The following CDIN1 variants were observed in gnomAD, a reference collection of about 807,000 sequenced individuals.
The protein encoded by CDIN1 is CDAN1 interacting nuclease 1.
In CDIN1, 33 loss-of-function variants were observed where a neutral mutation model predicts 45.3. The observed-to-expected ratio is 0.73, with a 90% CI of 0.55 to 0.97. The LOEUF (loss-of-function observed/expected upper bound fraction) is 0.97, where lower values mean the gene tolerates loss of function less well. Ranked by LOEUF, CDIN1 falls within the 50% of genes least tolerant of loss-of-function variation. The probability of loss-of-function intolerance (pLI) is 0.00; values close to 1 mark genes in which losing one functional copy is unlikely to be tolerated. For missense variants in CDIN1, 303 were observed against 339.4 expected (o/e 0.89, Z 0.84); for synonymous variants, 118 against 124.4 (o/e 0.95, Z 0.34).
intron 1 of CDIN1, among the ~76,000 whole-genome samples, chr15:36,620,356 A>G (rs1336671199): frequency 1.3e-5 from 2 of 152,172 alleles, no homozygotes; most frequent in Non-Finnish European, 2.9e-5. Flanking sequence ...GTCTCAAAAA[A>G]AATAAAAATA....
chr15:36,691,911 AG>A (rs1324794562), intron 6 of CDIN1, 147 bp downstream of exon 6: 10 of 784,500 alleles, frequency 1.3e-5, no homozygotes, highest in Non-Finnish European at 1.8e-5. Context: ...ATTTGCGAGA[AG>A]AGCATTTCAC....
At chr15:36,629,820 C>T (rs2039607630) in intron 1 of CDIN1, among the ~76,000 whole-genome samples, 1 of 151,984 alleles carries the variant, frequency 6.6e-6, no homozygotes, top group Admixed American at 6.6e-5. Context: ...TGTCTATTTT[C>T]TTGTGATAAC....
intron 3 of CDIN1, among the ~76,000 whole-genome samples, chr15:36,649,834 A>G (rs1239717026): frequency 1.3e-5 from 2 of 152,212 alleles, no homozygotes; most frequent in African/African-American, 4.8e-5. Context: ...TGCATTTTAC[A>G]TACTTACATA....
chr15:36,617,560 G>C (rs1415403229), intron 1 of CDIN1: 2 of 795,806 alleles, frequency 2.5e-6, no homozygotes, highest in East Asian at 2.4e-5. Flanking sequence ...TTGGACAGTT[G>C]TTAACATGGA....
At chr15:36,584,137 T>C (rs1264367268) in intron 1 of CDIN1, among the ~76,000 whole-genome samples, 1 of 152,240 alleles carries the variant, frequency 6.6e-6, no homozygotes, top group Non-Finnish European at 1.5e-5. Flanking sequence ...CAGTGAGTGA[T>C]GGTGGTCATA....
chr15:36,733,149 A>G (rs954940266), intron 10 of CDIN1, among the ~76,000 whole-genome samples: 2 of 152,096 alleles, frequency 1.3e-5, no homozygotes, highest in Non-Finnish European at 2.9e-5. Flanking sequence ...TATAAATCTT[A>G]TATTTTAAGC....
chr15:36,682,606 A>T (rs1034338290), intron 5 of CDIN1, among the ~76,000 whole-genome samples: 22 of 150,960 alleles, frequency 1.5e-4, no homozygotes, highest in African/African-American at 4.9e-4. Context: ...CTACAAAAAA[A>T]AAAAAACAAA....
At chr15:36,782,186 C>A (rs975291900) in intron 10 of CDIN1, among the ~76,000 whole-genome samples, 4 of 152,108 alleles carry the variant, frequency 2.6e-5, no homozygotes, top group African/African-American at 9.7e-5. Context: ...AAAAGTAATT[C>A]TCATTTCTCA....
chr15:36,779,563 G>A (rs1288838455), intron 10 of CDIN1, among the ~76,000 whole-genome samples: 1 of 152,166 alleles, frequency 6.6e-6, no homozygotes, highest in Non-Finnish European at 1.5e-5. Context: ...TCTAAATCTA[G>A]GAATATGTGT....
intron 10 of CDIN1, among the ~76,000 whole-genome samples, chr15:36,743,451 C>T (rs2044308584): frequency 6.6e-6 from 1 of 152,134 alleles, no homozygotes; most frequent in African/African-American, 2.4e-5. Flanking sequence ...GTGCAGTGCC[C>T]TCTTTTAATC....
At chr15:36,654,388 A>G (rs1375755629) in intron 4 of CDIN1, among the ~76,000 whole-genome samples, 1 of 152,162 alleles carries the variant, frequency 6.6e-6, no homozygotes, top group African/African-American at 2.4e-5. Context: ...GCAAATGTAT[A>G]AACAGCCTCT....
chr15:36,652,173 T>C (rs1204814946), intron 3 of CDIN1, among the ~76,000 whole-genome samples: 1 of 152,202 alleles, frequency 6.6e-6, no homozygotes, highest in East Asian at 1.9e-4. Context: ...GCATATACCA[T>C]TATACTGTAT....
At chr15:36,737,879 C>T (rs2044089504) in intron 10 of CDIN1, among the ~76,000 whole-genome samples, 1 of 152,144 alleles carries the variant, frequency 6.6e-6, no homozygotes, top group Non-Finnish European at 1.5e-5. Flanking sequence ...TAATATTGTT[C>T]AAGACTATAT....
chr15:36,614,730 C>G (rs2038805870), intron 1 of CDIN1, among the ~76,000 whole-genome samples: 1 of 152,116 alleles, frequency 6.6e-6, no homozygotes, highest in Non-Finnish European at 1.5e-5. Context: ...ACTAGCTAAA[C>G]CAGAAAGGTG....
chr15:36,802,086 G>T (rs1356707550), intron 10 of CDIN1, among the ~76,000 whole-genome samples: 3 of 152,112 alleles, frequency 2.0e-5, no homozygotes, highest in African/African-American at 7.2e-5. Context: ...TAAACACAAG[G>T]TATAATGAGA....
chr15:36,697,536 T>G (rs1243579326), intron 8 of CDIN1, 146 bp downstream of exon 8: 1 of 641,750 alleles, frequency 1.6e-6, no homozygotes, highest in African/African-American at 1.9e-5. Flanking sequence ...GAGCAGGAAC[T>G]CAGTTACCTA....
At chr15:36,620,275 CG>C (rs1166663361) in intron 1 of CDIN1, among the ~76,000 whole-genome samples, 9 of 151,884 alleles carry the variant, frequency 5.9e-5, no homozygotes. Flanking sequence ...GGCGTGACAC[CG>C]GGGGGCGGAG....
chr15:36,636,501 G>A (rs543687168), intron 1 of CDIN1, among the ~76,000 whole-genome samples: 118 of 152,240 alleles, frequency 7.8e-4, no homozygotes, highest in Non-Finnish European at 1.5e-3. Context: ...GCAGTGAGCC[G>A]AGATGGTGCC....
At chr15:36,779,036 AT>A (rs1158498634) in intron 10 of CDIN1, among the ~76,000 whole-genome samples, 1 of 152,170 alleles carries the variant, frequency 6.6e-6, no homozygotes, top group Non-Finnish European at 1.5e-5. Context: ...TCATATATTC[AT>A]TTACACAAAG....
Sources: gnomAD v4.1 joint callset for allele counts (sites outside exome capture counted in the v4.1 genomes callset) on GRCh38, gnomAD v4.1.1 for gene constraint, MANE v1.5 for transcripts, NCBI Gene and HGNC (gene_info 2026-07-23, HGNC 2026-07-21) for gene names.